PTPRT: variants seen among roughly 807,000 people sequenced by gnomAD.
The protein encoded by PTPRT is receptor-type tyrosine-protein phosphatase T.
A neutral mutation model predicts 176.8 loss-of-function variants in PTPRT; 56 were observed. The ratio of observed to expected loss-of-function variants is 0.32; its 90% confidence interval spans 0.26 to 0.40. The LOEUF is 0.40. PTPRT is among the 10% of genes least tolerant of loss of function. The pLI, the probability that PTPRT is intolerant of heterozygous loss-of-function variation, is 1.00. For missense variants in PTPRT, 1,540 were observed against 1,908.2 expected (o/e 0.81, Z 3.60); for synonymous variants, 783 against 739.0 (o/e 1.06, Z -0.96).
intron 1 of PTPRT, among the ~76,000 whole-genome samples, chr20:43,101,025 T>C (rs895954585): frequency 6.6e-6 from 1 of 152,164 alleles, no homozygotes; most frequent in African/African-American, 2.4e-5. Flanking sequence ...TAGGCACGTT[T>C]AAGAAATTTC....
At chr20:42,421,015 T>C (rs1027192240) in intron 9 of PTPRT, among the ~76,000 whole-genome samples, 2 of 152,294 alleles carry the variant, frequency 1.3e-5, no homozygotes, top group Admixed American at 6.5e-5. Flanking sequence ...AAGTCATGCA[T>C]AGCTCACCCA....
At chr20:42,852,611 T>G (rs2078494827) in intron 2 of PTPRT, among the ~76,000 whole-genome samples, 1 of 152,184 alleles carries the variant, frequency 6.6e-6, no homozygotes, top group Non-Finnish European at 1.5e-5. Flanking sequence ...AGAGTATTTT[T>G]TCTTTTCCAT....
In PTPRT at chr20:42,429,970, C is replaced by T. The variant is rs563120368; in HGVS notation, c.1560+18250G>A. The stretch of plus-strand genomic sequence containing the variant: ...CTGGGCAAGCCCGCAAGGGCTGAGT[C>T]ACTCATGGAGGAAACTGTTGGCCAA... On this transcript the variant is annotated intron_variant, in intron 9 of 30. Transcript: ENST00000373187. 2.0e-5 allele frequency among the ~76,000 whole-genome samples: 3 copies of T among 152,340 alleles called. No homozygotes were observed. In the South Asian group the frequency reaches 6.2e-4, roughly 32 times the overall value.
intron 13 of PTPRT, among the ~76,000 whole-genome samples, chr20:42,259,318 TG>T (rs2056704764): frequency 6.6e-6 from 1 of 152,244 alleles, no homozygotes; most frequent in African/African-American, 2.4e-5. Context: ...ATTAAGAAAG[TG>T]TCTTTTTTTT....
intron 8 of PTPRT, among the ~76,000 whole-genome samples, chr20:42,460,188 C>G (rs1021194679): frequency 6.6e-6 from 1 of 152,058 alleles, no homozygotes; most frequent in African/African-American, 2.4e-5. Context: ...CTGGAGGTAT[C>G]AATTGGGAAA....
chr20:42,508,833 T>C, intron 7 of PTPRT, among the ~76,000 whole-genome samples: 1 of 149,966 alleles, frequency 6.7e-6, no homozygotes, highest in East Asian at 1.9e-4. Flanking sequence ...TACTGGAAAC[T>C]CTGGTCATTG....
intron 7 of PTPRT, among the ~76,000 whole-genome samples, chr20:42,511,207 G>C (rs1302376796): frequency 1.3e-5 from 2 of 152,250 alleles, no homozygotes; most frequent in Admixed American, 1.3e-4. Context: ...CCAGTCTCTG[G>C]AACTGTGAGA....
intron 7 of PTPRT, among the ~76,000 whole-genome samples, chr20:42,623,068 C>T (rs370160733): frequency 1.3e-5 from 2 of 152,310 alleles, no homozygotes; most frequent in Admixed American, 6.5e-5. Flanking sequence ...CCACTCCATT[C>T]CCCCTCTAGC....
chr20:43,027,611 T>C (rs1985968977), intron 1 of PTPRT, among the ~76,000 whole-genome samples: 1 of 152,008 alleles, frequency 6.6e-6, no homozygotes, highest in African/African-American at 2.4e-5. Context: ...GACACAGAAG[T>C]TGGCCATCTG....
In PTPRT at chr20:42,124,788, A is replaced by C. The variant is rs534837410; in HGVS notation, c.2847+3966T>G. ...GGTTCACAATTAATGGAGTTCCTCT[A>C]CTCTTCACCCTATAGTGGTAACTGT... On this transcript the variant is annotated intron_variant, in intron 19 of 30. Coordinates refer to ENST00000373187, the MANE Select transcript of PTPRT (RefSeq NM_007050.6). Among the ~76,000 whole-genome samples, 10 of 152,056 alleles carry C rather than the reference A, an allele frequency of 6.6e-5. No individual in the cohort carries two copies. In the South Asian group the frequency reaches 1.9e-3, roughly 28 times the overall value.
At chr20:43,131,454 G>T (rs1400748433) in intron 1 of PTPRT, among the ~76,000 whole-genome samples, 1 of 152,134 alleles carries the variant, frequency 6.6e-6, no homozygotes, top group African/African-American at 2.4e-5. Context: ...CTGTAATAAT[G>T]ATATATTATT....
intron 22 of PTPRT, among the ~76,000 whole-genome samples, chr20:42,110,839 G>C (rs1294256933): frequency 1.3e-5 from 2 of 152,086 alleles, no homozygotes; most frequent in Non-Finnish European, 2.9e-5. Context: ...ATTGAGTACG[G>C]ATTTAAAGAA....
chr20:42,801,016 T>A (rs140529754), intron 2 of PTPRT, among the ~76,000 whole-genome samples: 1 of 152,236 alleles, frequency 6.6e-6, no homozygotes, highest in East Asian at 1.9e-4. Context: ...GTGCTCTTTT[T>A]TTCTTCCTGG....
chr20:42,315,687 C>T, intron 12 of PTPRT, 36 bp downstream of exon 12: 3 of 1,596,120 alleles, frequency 1.9e-6, no homozygotes, highest in Non-Finnish European at 2.6e-6. Context: ...AAAATGCAAA[C>T]AAGGCAAGGA....
chr20:43,113,526 A>G (rs2012944963), intron 1 of PTPRT, among the ~76,000 whole-genome samples: 1 of 152,144 alleles, frequency 6.6e-6, no homozygotes, highest in Non-Finnish European at 1.5e-5. Context: ...AACTGTCATC[A>G]TTGAAAAGCC....
At chr20:42,901,016 A>G (rs1478544454) in intron 1 of PTPRT, among the ~76,000 whole-genome samples, 1 of 152,180 alleles carries the variant, frequency 6.6e-6, no homozygotes, top group Admixed American at 6.5e-5. Context: ...GCAGCAGAAC[A>G]TGTTCCATAT....
intron 7 of PTPRT, among the ~76,000 whole-genome samples, chr20:42,643,157 G>A (rs2074802073): frequency 6.6e-6 from 1 of 152,052 alleles, no homozygotes. Flanking sequence ...TATGGCAATA[G>A]CTGACTGATG....
intron 9 of PTPRT, among the ~76,000 whole-genome samples, chr20:42,442,897 G>A (rs570287591): frequency 1.6e-4 from 24 of 152,252 alleles, no homozygotes; most frequent in African/African-American, 5.1e-4. Flanking sequence ...CCGCAATTGC[G>A]ACGGTCTGTG....
intron 4 of PTPRT, among the ~76,000 whole-genome samples, chr20:42,777,300 T>C (rs1287344300): frequency 6.6e-6 from 1 of 152,176 alleles, no homozygotes; most frequent in Non-Finnish European, 1.5e-5. Context: ...GTGCCCTGTA[T>C]GCTCAGGACA....
Sources: allele counts gnomAD v4.1 joint callset (sites outside exome capture counted in the v4.1 genomes callset), GRCh38; gene constraint gnomAD v4.1.1; transcripts MANE v1.5; gene names NCBI Gene and HGNC (gene_info 2026-07-23, HGNC 2026-07-21).